The following CACNA1I variants were observed in gnomAD, a reference collection of about 807,000 sequenced individuals.
CACNA1I encodes calcium voltage-gated channel subunit alpha1 I.
In CACNA1I, 74 loss-of-function variants were observed where a neutral mutation model predicts 201.6. The observed-to-expected ratio is 0.37, with a 90% CI of 0.30 to 0.45. The LOEUF (loss-of-function observed/expected upper bound fraction) is 0.45. CACNA1I is among the 20% of genes least tolerant of loss of function. The probability of loss-of-function intolerance (pLI) is 1.00; values close to 1 mark genes in which losing one functional copy is unlikely to be tolerated. For missense variants in CACNA1I, 2,346 were observed against 3,138.1 expected (o/e 0.75, Z 6.03); for synonymous variants, 1,431 against 1,345.2 (o/e 1.06, Z -1.40).
chr22:39,605,068 C>G (rs1308210337), intron 3 of CACNA1I, among the ~76,000 whole-genome samples: 1 of 147,536 alleles, frequency 6.8e-6, no homozygotes, highest in Non-Finnish European at 1.5e-5. Context: ...CCCCCTCCCA[C>G]CCAAGACCCA....
At chr22:39,639,693 T>G (rs191345988) in intron 5 of CACNA1I, among the ~76,000 whole-genome samples, 114 of 152,334 alleles carry the variant, frequency 7.5e-4, no homozygotes, top group African/African-American at 2.5e-3. Context: ...CCCAAATAGA[T>G]AGCAACTATC....
At chr22:39,682,700 A>G (rs764074837) in intron 35 of CACNA1I, 39 bp downstream of exon 35, 108 of 1,568,482 alleles carry the variant, frequency 6.9e-5, no homozygotes, top group Non-Finnish European at 8.9e-5. Flanking sequence ...CACAGCCCTC[A>G]TCTTGGGCAT....
chr22:39,653,051 C>G (rs900309585), intron 10 of CACNA1I, among the ~76,000 whole-genome samples: 1 of 148,108 alleles, frequency 6.8e-6, no homozygotes, highest in East Asian at 1.9e-4. Context: ...CACACGGTGG[C>G]TAAGAGGGCT....
intron 4 of CACNA1I, among the ~76,000 whole-genome samples, chr22:39,621,033 C>T (rs1027530663): frequency 2.0e-5 from 3 of 152,206 alleles, no homozygotes; most frequent in African/African-American, 7.2e-5. Flanking sequence ...GCTAGGATTA[C>T]AGGCATGAGC....
At position 39,649,434 on chromosome 22, in the gene CACNA1I, A is replaced by T; in HGVS notation, c.1568-67A>T. 1 of 1,420,068 alleles carries T rather than the reference A, an allele frequency of 7.0e-7. No individual in the cohort carries two copies. The highest frequency in any genetic ancestry group is 9.4e-7 in the Non-Finnish European group (1 of 1,069,124). 88.0% of individuals were successfully genotyped at this position (1,420,068 alleles called of 1,614,324 possible). ...GCCTGGGAGCCAAGCGCACTCAGGG[A>T]TGTGTCCCAGGGTGGATTGGGCCTG... On this transcript the variant is annotated intron_variant, in intron 9 of 36. Transcript: ENST00000402142. The surrounding 1 kb of genome is among the most constrained non-coding windows in gnomAD (Gnocchi z 7.3).
chr22:39,645,455 G>C (rs1934461952), intron 7 of CACNA1I, among the ~76,000 whole-genome samples: 1 of 152,182 alleles, frequency 6.6e-6, no homozygotes, highest in South Asian at 2.1e-4. Flanking sequence ...AGAGGGCAGG[G>C]CCCAGCTGTC....
chr22:39,596,174 G>A (rs1244160829), intron 1 of CACNA1I, among the ~76,000 whole-genome samples: 96 of 23,410 alleles, frequency 4.1e-3, no homozygotes, highest in African/African-American at 7.4e-3. Flanking sequence ...GAGATGGGGG[G>A]GCAGGGCGGA....
Position 39,656,632 on chromosome 22 carries a change from A to G in CACNA1I, c.1993-1520A>G, listed in dbSNP as rs925076808. ...ACATCATGTCATTCAAATTTGTGGTAGCCATGCAGGAATGAATGAATGAAT... is the reference window on the plus strand; with the variant it reads ...ACATCATGTCATTCAAATTTGTGGTGGCCATGCAGGAATGAATGAATGAAT... On this transcript the variant is annotated intron_variant, in intron 10 of 36. Coordinates refer to ENST00000402142, the MANE Select transcript of CACNA1I (RefSeq NM_021096.4). The G allele has an allele frequency of 5.8e-6, 3 of 518,410 alleles. No individual in the cohort carries two copies. In the African/African-American group the frequency reaches 5.8e-5, roughly 10 times the overall value. The allele number at this position is 518,410 out of a possible 1,614,324, so 32.1% of individuals were successfully genotyped here.
chr22:39,639,850 C>G (rs1460038871), intron 5 of CACNA1I, among the ~76,000 whole-genome samples: 2 of 152,320 alleles, frequency 1.3e-5, no homozygotes, highest in Non-Finnish European at 2.9e-5. Flanking sequence ...CAGTGCTACA[C>G]TGTATTAACA....
intron 3 of CACNA1I, among the ~76,000 whole-genome samples, chr22:39,612,704 A>G (rs1378523930): frequency 6.6e-6 from 1 of 152,220 alleles, no homozygotes; most frequent in African/African-American, 2.4e-5. Flanking sequence ...TAGAATTTCA[A>G]TGTATGAATT....
Position 39,659,867 on chromosome 22 carries a change from G to A in CACNA1I, c.2604+15G>A. ...TCCAGGCGGAGGTGACTGTGGTCTT[G>A]GCAGAGGAAGCACCCCCACAGGGTC... On this transcript the variant is annotated intron_variant, in intron 14 of 36. Coordinates refer to ENST00000402142, the MANE Select transcript of CACNA1I (RefSeq NM_021096.4). The surrounding 1 kb of genome is among the most constrained non-coding windows in gnomAD (Gnocchi z 4.3). 2 of 1,613,594 alleles carry A rather than the reference G, an allele frequency of 1.2e-6. No individual in the cohort carries two copies. Among genetic ancestry groups the A allele is most frequent in the Non-Finnish European group, 1.7e-6 (2 of 1,179,754 alleles).
chr22:39,681,141 G>A, intron 34 of CACNA1I, 89 bp downstream of exon 34: 1 of 1,441,008 alleles, frequency 6.9e-7, no homozygotes, highest in Non-Finnish European at 9.3e-7. Context: ...TGTCTTTCCA[G>A]TCTACCATGT....
chr22:39,594,740 A>T (rs533924990), intron 1 of CACNA1I, among the ~76,000 whole-genome samples: 1 of 152,032 alleles, frequency 6.6e-6, no homozygotes, highest in South Asian at 2.1e-4. Context: ...AAGGGCTTTG[A>T]AATGGAGGGG....
chr22:39,591,882 G>T (rs1344667749), intron 1 of CACNA1I, among the ~76,000 whole-genome samples: 2 of 152,242 alleles, frequency 1.3e-5, no homozygotes, highest in Non-Finnish European at 2.9e-5. Flanking sequence ...TGATTTGGAG[G>T]CTCCTTGGCA....
At chr22:39,642,937 AC>A in intron 7 of CACNA1I, 48 bp downstream of exon 7, 2 of 1,312,142 alleles carry the variant, frequency 1.5e-6, no homozygotes, top group African/African-American at 1.5e-5. Context: ...GAACCCATGG[AC>A]CAGGGGACCT....
intron 4 of CACNA1I, among the ~76,000 whole-genome samples, chr22:39,620,754 GTTTGTTTGTTTT>G (rs953312261): frequency 3.0e-5 from 4 of 133,786 alleles, no homozygotes; most frequent in South Asian, 2.7e-4. Flanking sequence ...TTGTTTGTTT[GTTTGTTTGTTTT>G]TTTTGAGACA....
At chr22:39,602,488 C>T (rs749020087) in intron 3 of CACNA1I, among the ~76,000 whole-genome samples, 1 of 152,138 alleles carries the variant, frequency 6.6e-6, no homozygotes, top group African/African-American at 2.4e-5. Flanking sequence ...GCACTGTATC[C>T]TCCTCTTAGT....
chr22:39,656,630 G>A, intron 10 of CACNA1I: 3 of 518,648 alleles, frequency 5.8e-6, no homozygotes, highest in South Asian at 2.8e-5. Context: ...CAAATTTGTG[G>A]TAGCCATGCA....
Position 39,673,988 on chromosome 22 carries a change from A to T in CACNA1I, c.4809A>T (p.Thr1603=). The T allele has an allele frequency of 6.2e-7, 1 of 1,613,400 alleles. No individual in the cohort carries two copies. Among genetic ancestry groups the T allele is most frequent in the Non-Finnish European group, 8.5e-7 (1 of 1,179,862 alleles). Residue 1603 remains threonine, a synonymous_variant, in exon 29 of 37, where the codon ACA becomes ACT. Coordinates refer to ENST00000402142, the MANE Select transcript of CACNA1I (RefSeq NM_021096.4). ...TGCTGAAGCTGTTGAAGATGGCCAC[A>T]GGAATGCGGGCCCTGCTGGACACGG... ...ARVLKLLKMA[T]GMRALLDTVV... is the part of the protein sequence containing the mutation.
Sources: gnomAD v4.1 joint callset for allele counts (sites outside exome capture counted in the v4.1 genomes callset) on GRCh38, gnomAD v4.1.1 for gene constraint, Gnocchi (gnomAD v3.1) non-coding constraint, MANE v1.5 for transcripts, NCBI Gene and HGNC (gene_info 2026-07-23, HGNC 2026-07-21) for gene names.